The following JAZF1 variants were observed in gnomAD, a reference collection of about 807,000 sequenced individuals.
JAZF1 encodes the protein juxtaposed with another zinc finger protein 1.
A neutral mutation model predicts 26.4 loss-of-function variants in JAZF1; 8 were observed. The observed-to-expected ratio is 0.30, with a 90% CI of 0.18 to 0.55. The LOEUF is 0.55. Among genes scored for constraint, JAZF1 ranks in the 20% least tolerant of loss-of-function variants. JAZF1 has a pLI of 0.94. For missense variants in JAZF1, 199 were observed against 322.0 expected (o/e 0.62, Z 2.92); for synonymous variants, 126 against 122.3 (o/e 1.03, Z -0.20).
At chr7:27,968,432 T>C (rs1785316067) in intron 2 of JAZF1, among the ~76,000 whole-genome samples, 1 of 152,216 alleles carries the variant, frequency 6.6e-6, no homozygotes, top group Admixed American at 6.5e-5. Context: ...CATCTTTCAG[T>C]GGCTACAAGG....
At position 28,180,574 on chromosome 7, in the gene JAZF1, T is replaced by C. The variant is rs371870768; in HGVS notation, c.4A>G (p.Thr2Ala). Residue 2 changes from threonine to alanine, a missense_variant, in exon 1 of 5, where the codon ACA (threonine) becomes GCA (alanine). By Grantham distance (58) the Thr-to-Ala change is moderately conservative (BLOSUM62 0). This residue lies in a region of JAZF1 where 137 missense variants were observed against 184.8 expected (regional missense o/e 0.74). Transcript: ENST00000283928. ...AAGAAGGAGGCGGCGGCGATGCCTG[T>C]CATGGTGCTACATCGAGAGCCCCCC... M[T>A]GIAAASFFSN... 2 of 1,601,458 alleles carry C rather than the reference T, an allele frequency of 1.2e-6. No homozygotes were observed. Among genetic ancestry groups the C allele is most frequent in the African/African-American group, 1.4e-5 (1 of 72,212 alleles).
intron 2 of JAZF1, among the ~76,000 whole-genome samples, chr7:27,971,961 A>G (rs1392093499): frequency 1.3e-5 from 2 of 152,182 alleles, no homozygotes; most frequent in Non-Finnish European, 2.9e-5. Flanking sequence ...TTACTCATGC[A>G]TTTATCCCAT....
intron 1 of JAZF1, among the ~76,000 whole-genome samples, chr7:28,102,415 A>G (rs1035646150): frequency 1.3e-5 from 2 of 152,230 alleles, no homozygotes; most frequent in African/African-American, 2.4e-5. Context: ...TCCCATAAGT[A>G]TCACTCTCTG....
At chr7:27,988,825 T>C (rs1049823629) in intron 2 of JAZF1, among the ~76,000 whole-genome samples, 1 of 149,096 alleles carries the variant, frequency 6.7e-6, no homozygotes, top group African/African-American at 2.5e-5. Flanking sequence ...GTTTCAAGTG[T>C]GGAAAGAACA....
intron 1 of JAZF1, among the ~76,000 whole-genome samples, chr7:28,006,894 C>T (rs1385650158): frequency 2.6e-5 from 4 of 151,532 alleles, no homozygotes; most frequent in African/African-American, 9.8e-5. Flanking sequence ...ATATCTCTTC[C>T]ATAAATGAAC....
intron 1 of JAZF1, among the ~76,000 whole-genome samples, chr7:28,051,131 C>CAAA (rs775277755): frequency 8.3e-5 from 8 of 96,534 alleles, no homozygotes; most frequent in East Asian, 3.7e-4. Flanking sequence ...GACTCCATCT[C>CAAA]AAAAAAAAAA....
chr7:27,871,039 A>C (rs1783572159), intron 3 of JAZF1, among the ~76,000 whole-genome samples: 2 of 152,216 alleles, frequency 1.3e-5, no homozygotes, highest in Admixed American at 1.3e-4. Context: ...GAGGAAGAAT[A>C]CCAGGTTTAA....
At chr7:28,089,885 A>G (rs1784266992) in intron 1 of JAZF1, among the ~76,000 whole-genome samples, 2 of 152,230 alleles carry the variant, frequency 1.3e-5, no homozygotes, top group African/African-American at 4.8e-5. Context: ...TTGAAAGAGG[A>G]GCTTGGTTCT....
intron 1 of JAZF1, among the ~76,000 whole-genome samples, chr7:28,030,287 A>AT (rs1173967658): frequency 6.6e-6 from 1 of 152,240 alleles, no homozygotes; most frequent in African/African-American, 2.4e-5. Flanking sequence ...AAACAAATCA[A>AT]TGCGGACAGG....
intron 2 of JAZF1, among the ~76,000 whole-genome samples, chr7:27,962,620 A>G (rs768154424): frequency 4.7e-4 from 71 of 152,358 alleles, no homozygotes; most frequent in Non-Finnish European, 9.3e-4. Context: ...TAACAAATCC[A>G]TAGAGGAAAG....
At chr7:28,058,831 T>A (rs1440416111) in intron 1 of JAZF1, among the ~76,000 whole-genome samples, 1 of 152,236 alleles carries the variant, frequency 6.6e-6, no homozygotes, top group Non-Finnish European at 1.5e-5. Context: ...ATATTTTCAT[T>A]GCAGTCAATT....
At chr7:28,176,620 TC>T (rs1783555617) in intron 1 of JAZF1, among the ~76,000 whole-genome samples, 1 of 152,228 alleles carries the variant, frequency 6.6e-6, no homozygotes, top group Non-Finnish European at 1.5e-5. Flanking sequence ...AATATAAACT[TC>T]CTAAAGAGTG....
intron 1 of JAZF1, among the ~76,000 whole-genome samples, chr7:28,099,244 T>A (rs1450202823): frequency 6.6e-6 from 1 of 152,188 alleles, no homozygotes; most frequent in Admixed American, 6.5e-5. Context: ...ATCCCCAAAT[T>A]CCAATGTTCT....
At chr7:28,177,834 T>C (rs1188920149) in intron 1 of JAZF1, among the ~76,000 whole-genome samples, 2 of 152,248 alleles carry the variant, frequency 1.3e-5, no homozygotes, top group Non-Finnish European at 2.9e-5. Flanking sequence ...CCATGTCTTT[T>C]CATCAGAAGT....
intron 3 of JAZF1, among the ~76,000 whole-genome samples, chr7:27,881,380 C>T (rs180698391): frequency 5.9e-5 from 9 of 152,272 alleles, no homozygotes; most frequent in East Asian, 1.9e-4. Context: ...TTCCTTTACA[C>T]GCAACATAGC....
At chr7:28,107,742 C>T (rs1784576754) in intron 1 of JAZF1, among the ~76,000 whole-genome samples, 1 of 152,332 alleles carries the variant, frequency 6.6e-6, no homozygotes, top group African/African-American at 2.4e-5. Context: ...AAAGAATACA[C>T]AGAGACACCA....
At chr7:28,030,023 A>C (rs1336244299) in intron 1 of JAZF1, among the ~76,000 whole-genome samples, 32 of 152,214 alleles carry the variant, frequency 2.1e-4, no homozygotes, top group Non-Finnish European at 4.4e-5. Flanking sequence ...TCATTATATC[A>C]GAGTGTCAGA....
intron 2 of JAZF1, 138 bp downstream of exon 2, chr7:27,991,771 T>C (rs181187323): frequency 1.2e-5 from 7 of 597,510 alleles, no homozygotes; most frequent in African/African-American, 1.9e-5. Context: ...GCATTCCATA[T>C]ACAGGTTGCT....
chr7:28,083,569 C>T (rs988346254), intron 1 of JAZF1, among the ~76,000 whole-genome samples: 1 of 152,034 alleles, frequency 6.6e-6, no homozygotes, highest in Non-Finnish European at 1.5e-5. Flanking sequence ...CACAGGGTTG[C>T]CGTGAAGACT....
Sources: gnomAD v4.1 joint callset for allele counts (sites outside exome capture counted in the v4.1 genomes callset) on GRCh38, gnomAD v4.1.1 for gene constraint, gnomAD v4.1.1 regional missense constraint, MANE v1.5 for transcripts, NCBI Gene and HGNC (gene_info 2026-07-23, HGNC 2026-07-21) for gene names.